The following LINGO2 variants were observed in gnomAD, a reference collection of about 807,000 sequenced individuals.
The protein encoded by LINGO2 is leucine rich repeat and Ig domain containing 2.
LINGO2 carries 14 observed loss-of-function variants against 30.6 expected under a neutral mutation model. That is an observed-to-expected ratio of 0.46 (90% CI 0.30 to 0.72). LINGO2 has a LOEUF of 0.72. Ranked by LOEUF, LINGO2 falls within the 30% of genes least tolerant of loss-of-function variation. The probability of loss-of-function intolerance (pLI) is 0.07; values close to 1 mark genes in which losing one functional copy is unlikely to be tolerated. For synonymous variants in LINGO2, 317 were observed against 288.5 expected, an observed-to-expected ratio of 1.10 and a Z score of -1.00; for missense variants, 729 against 751.7, an observed-to-expected ratio of 0.97 and a Z score of 0.35.
chr9:28,671,833 G>A (rs555507446), upstream of LINGO2, among the ~76,000 whole-genome samples: 3 of 151,972 alleles, frequency 2.0e-5, no homozygotes, highest in Non-Finnish European at 2.9e-5. Flanking sequence ...CTTTGTCAAG[G>A]CACATATAGA....
At chr9:28,968,204 C>T in the LINGO2 span, among the ~76,000 whole-genome samples, 1 of 152,114 alleles carries the variant, frequency 6.6e-6, no homozygotes, top group African/African-American at 2.4e-5. Context: ...AATAATTAAA[C>T]AGATCTTTTA....
At chr9:29,085,816 G>T in the LINGO2 span, among the ~76,000 whole-genome samples, 1 of 152,044 alleles carries the variant, frequency 6.6e-6, no homozygotes, top group Non-Finnish European at 1.5e-5. Context: ...TATCAACAAG[G>T]AAATTGAAAC....
the LINGO2 span, among the ~76,000 whole-genome samples, chr9:29,198,594 G>A: frequency 6.6e-6 from 1 of 152,250 alleles, no homozygotes; most frequent in East Asian, 1.9e-4. Flanking sequence ...CAGAGGATTA[G>A]TAGAGCATAG....
At chr9:29,120,387 C>T in the LINGO2 span, among the ~76,000 whole-genome samples, 7 of 144,544 alleles carry the variant, frequency 4.8e-5, 1 homozygote, top group South Asian at 4.2e-4. Context: ...GAACCAAAAA[C>T]GGGTCTAAGA....
chr9:28,400,402 C>T (rs989935419), intron 2 of LINGO2, among the ~76,000 whole-genome samples: 8 of 152,128 alleles, frequency 5.3e-5, no homozygotes, highest in Admixed American at 2.0e-4. Context: ...ATATGAATAG[C>T]TTAAAATTAG....
chr9:28,647,031 T>C (rs1346877151), intron 1 of LINGO2, among the ~76,000 whole-genome samples: 1 of 152,080 alleles, frequency 6.6e-6, no homozygotes, highest in East Asian at 1.9e-4. Context: ...CTTTAGCATC[T>C]TCCAAACTGA....
chr9:29,087,067 G>A, the LINGO2 span, among the ~76,000 whole-genome samples: 2 of 152,080 alleles, frequency 1.3e-5, no homozygotes, highest in Non-Finnish European at 2.9e-5. Flanking sequence ...AGTAGAGACG[G>A]GGTTTCACCA....
chr9:28,592,609 T>A (rs2135712446), intron 1 of LINGO2, among the ~76,000 whole-genome samples: 1 of 152,198 alleles, frequency 6.6e-6, no homozygotes, highest in Admixed American at 6.6e-5. Flanking sequence ...TGAGCCTTAT[T>A]GGCTCCAGTT....
chr9:29,180,131 T>A, the LINGO2 span, among the ~76,000 whole-genome samples: 2 of 152,154 alleles, frequency 1.3e-5, no homozygotes, highest in African/African-American at 4.8e-5. Context: ...CAATCATTTA[T>A]CTCAGCACCA....
chr9:28,058,572 C>A (rs1274566608), intron 4 of LINGO2, among the ~76,000 whole-genome samples: 2 of 152,126 alleles, frequency 1.3e-5, no homozygotes, highest in African/African-American at 4.8e-5. Context: ...TCCTTCCAAG[C>A]ACACCAGTTT....
At chr9:28,214,556 T>C (rs983480586) in intron 4 of LINGO2, among the ~76,000 whole-genome samples, 1 of 151,626 alleles carries the variant, frequency 6.6e-6, no homozygotes, top group African/African-American at 2.4e-5. Flanking sequence ...GATGGTACTA[T>C]AGGTCCATCT....
At chr9:29,072,543 A>C in the LINGO2 span, among the ~76,000 whole-genome samples, 1 of 151,254 alleles carries the variant, frequency 6.6e-6, no homozygotes, top group South Asian at 2.1e-4. Flanking sequence ...TAAGAAAATT[A>C]AGGATAATAT....
intron 5 of LINGO2, among the ~76,000 whole-genome samples, chr9:28,002,902 C>A (rs757066102): frequency 6.6e-6 from 1 of 151,968 alleles, no homozygotes; most frequent in South Asian, 2.1e-4. Context: ...AGTGTGAGTG[C>A]GTGTCAGTGT....
upstream of LINGO2, among the ~76,000 whole-genome samples, chr9:28,674,430 T>C (rs1021996076): frequency 6.6e-6 from 1 of 152,158 alleles, no homozygotes; most frequent in Non-Finnish European, 1.5e-5. Flanking sequence ...AATATCAACC[T>C]ACATTTGAAT....
At chr9:28,713,280 C>T in the LINGO2 span, among the ~76,000 whole-genome samples, 5 of 152,204 alleles carry the variant, frequency 3.3e-5, no homozygotes, top group East Asian at 9.6e-4. Flanking sequence ...AACGGTCATA[C>T]AAATATAATA....
chr9:28,876,606 T>C, the LINGO2 span, among the ~76,000 whole-genome samples: 1 of 152,258 alleles, frequency 6.6e-6, no homozygotes, highest in East Asian at 1.9e-4. Flanking sequence ...CTGCATAGTA[T>C]TCCATGGTGT....
chr9:28,521,530 C>T (rs1238784279), intron 1 of LINGO2, among the ~76,000 whole-genome samples: 1 of 152,148 alleles, frequency 6.6e-6, no homozygotes, highest in Non-Finnish European at 1.5e-5. Flanking sequence ...TCATGTTCTT[C>T]CCCCCATTTT....
At chr9:28,682,098 C>T in the LINGO2 span, among the ~76,000 whole-genome samples, 7 of 152,098 alleles carry the variant, frequency 4.6e-5, no homozygotes, top group South Asian at 4.1e-4. Flanking sequence ...TTGGGCATAG[C>T]GGTGAGATTT....
the LINGO2 span, among the ~76,000 whole-genome samples, chr9:28,767,456 C>A: frequency 6.6e-6 from 1 of 152,004 alleles, no homozygotes; most frequent in African/African-American, 2.4e-5. Context: ...AAGTATGCAT[C>A]CTTAGACATA....
Sources: allele counts gnomAD v4.1 joint callset (sites outside exome capture counted in the v4.1 genomes callset), GRCh38; gene constraint gnomAD v4.1.1; transcripts MANE v1.5; gene names NCBI Gene and HGNC (gene_info 2026-07-23, HGNC 2026-07-21).